Variants in ARHGAP26 observed in about 807,000 individuals in gnomAD.
ARHGAP26 encodes the protein Rho GTPase activating protein 26, also known as rho GTPase-activating protein 26.
ARHGAP26 carries 38 observed loss-of-function variants against 104.8 expected under a neutral mutation model. The observed-to-expected ratio is 0.36, with a 90% CI of 0.28 to 0.48. The LOEUF is 0.48. Among genes scored for constraint, ARHGAP26 ranks in the 20% least tolerant of loss-of-function variants. The pLI is 0.99. For missense variants in ARHGAP26, 704 were observed against 947.9 expected, an observed-to-expected ratio of 0.74 and a Z score of 3.38; for synonymous variants, 341 against 340.0, an observed-to-expected ratio of 1.00 and a Z score of -0.03.
rs138798405 is a variant in ARHGAP26 at position 143,051,982 on chromosome 5, G to A, written c.1286-2457G>A. 4.4e-3 allele frequency among the ~76,000 whole-genome samples: 674 copies of A among 152,314 alleles called. 2 individuals carry two copies. The highest frequency in any genetic ancestry group is 0.016 in the African/African-American group (647 of 41,562). ...ACGTGTCTTAGGATGGGGAGGGAAA[G>A]AGGTCATGCAAAGCAGAGGTTTTTG... On this transcript the variant is annotated intron_variant, in intron 14 of 22. Transcript: ENST00000645722.
In ARHGAP26 at chr5:142,998,770, AT is replaced by A. The variant is rs769105111; in HGVS notation, c.1108-15307del. 2.6e-3 allele frequency among the ~76,000 whole-genome samples: 400 copies of A among 152,264 alleles called. 2 individuals are homozygous for A. The highest frequency in any genetic ancestry group is 7.6e-3 in the Admixed American group (117 of 15,302). Reference sequence around the variant, plus strand: ...AAAAAAAAAGAAAAAGGAAAAGAACATTTGTTTACAGTATGAGAACTGAAAC... The same window carrying A: ...AAAAAAAAAGAAAAAGGAAAAGAACATTGTTTACAGTATGAGAACTGAAAC... On this transcript the variant is annotated intron_variant, in intron 11 of 22. Transcript: ENST00000645722.
chr5:143,224,339 G>T lies in ARHGAP26; in HGVS notation c.*1893G>T, dbSNP rs1399434227. ...CATTTCTATGGCCTTGCTCTCTGCTGTCCTGTTGGTGGGCACGACACATCA... is the reference window on the plus strand; with the variant it reads ...CATTTCTATGGCCTTGCTCTCTGCTTTCCTGTTGGTGGGCACGACACATCA... On this transcript the variant is annotated 3_prime_UTR_variant, in exon 23 of 23. Transcript: ENST00000645722. The T allele has an allele frequency of 2.6e-5, 6 of 231,142 alleles. No individual in the cohort carries two copies. Among genetic ancestry groups the T allele is most frequent in the Non-Finnish European group, 5.1e-5 (6 of 116,562 alleles). The allele number at this position is 231,142 out of a possible 1,614,324, so 14.3% of individuals were successfully genotyped here.
intron 1 of ARHGAP26, among the ~76,000 whole-genome samples, chr5:142,861,220 C>G (rs982084644): frequency 1.4e-4 from 21 of 152,080 alleles, no homozygotes; most frequent in African/African-American, 4.6e-4. Context: ...GGCTTCCGTT[C>G]TTGGTCCCTG....
intron 12 of ARHGAP26, among the ~76,000 whole-genome samples, chr5:143,014,812 GAAA>G: frequency 6.6e-6 from 1 of 152,256 alleles, no homozygotes; most frequent in Admixed American, 6.5e-5. Context: ...GTGTATAGGA[GAAA>G]AAACAAAATC....
intron 12 of ARHGAP26, among the ~76,000 whole-genome samples, chr5:143,016,442 C>T (rs1355522351): frequency 3.3e-5 from 5 of 152,108 alleles, no homozygotes; most frequent in South Asian, 2.1e-4. Flanking sequence ...CGGTGGCTCA[C>T]GCCTGTAATC....
intron 14 of ARHGAP26, among the ~76,000 whole-genome samples, chr5:143,052,166 C>T (rs1183127262): frequency 1.3e-5 from 2 of 152,062 alleles, no homozygotes; most frequent in Non-Finnish European, 2.9e-5. Context: ...GTTCTGTAGC[C>T]CCAGAAATAA....
intron 1 of ARHGAP26, among the ~76,000 whole-genome samples, chr5:142,861,078 T>C (rs1396262592): frequency 6.6e-6 from 1 of 152,148 alleles, no homozygotes; most frequent in Non-Finnish European, 1.5e-5. Context: ...TGGCAAGGGG[T>C]ACTCCTTGCT....
At chr5:143,142,867 A>G (rs1798727620) in intron 19 of ARHGAP26, among the ~76,000 whole-genome samples, 1 of 152,190 alleles carries the variant, frequency 6.6e-6, no homozygotes, top group African/African-American at 2.4e-5. Flanking sequence ...AACAAGTAGG[A>G]GAAAGTACAC....
At chr5:142,852,275 G>T (rs1410115507) in intron 1 of ARHGAP26, among the ~76,000 whole-genome samples, 2 of 152,274 alleles carry the variant, frequency 1.3e-5, no homozygotes, top group African/African-American at 4.8e-5. Flanking sequence ...AGCCTTTGCA[G>T]TGTTGTGGGA....
intron 14 of ARHGAP26, among the ~76,000 whole-genome samples, chr5:143,043,998 G>C (rs1783854917): frequency 6.6e-6 from 1 of 152,152 alleles, no homozygotes; most frequent in East Asian, 1.9e-4. Flanking sequence ...CTTGAGGCTG[G>C]GACAGGAGAG....
At chr5:142,821,252 A>G (rs1766108994) in intron 1 of ARHGAP26, among the ~76,000 whole-genome samples, 1 of 150,660 alleles carries the variant, frequency 6.6e-6, no homozygotes, top group Admixed American at 6.6e-5. Flanking sequence ...TTCCACCCCA[A>G]GCTAGTTTGG....
intron 18 of ARHGAP26, among the ~76,000 whole-genome samples, chr5:143,128,898 A>G (rs990191618): frequency 2.6e-5 from 4 of 152,238 alleles, no homozygotes; most frequent in Admixed American, 1.3e-4. Flanking sequence ...GCTCTTCGTC[A>G]TGACCTAATT....
chr5:143,147,111 A>T (rs1799256274), intron 19 of ARHGAP26, 120 bp from the exon 20 acceptor site: 4 of 1,217,658 alleles, frequency 3.3e-6, no homozygotes, highest in Non-Finnish European at 4.6e-6. Flanking sequence ...TTGTTTCTTA[A>T]GCTTCCCTGG....
rs901915865 is a variant in ARHGAP26 at position 142,783,840 on chromosome 5, T to C, written c.154+12925T>C. ...CTTCTTAAGAAAATCTGTGGGTTGC[T>C]CTTCCAAAAATAAGGTTTTCTTGCA... On this transcript the variant is annotated intron_variant, in intron 1 of 22. Transcript: ENST00000645722. Among the ~76,000 whole-genome samples the C allele has an allele frequency of 2.6e-5, 4 of 152,372 alleles. No homozygotes were observed. In the East Asian group the frequency reaches 5.8e-4, roughly 22 times the overall value.
At chr5:142,963,879 A>G (rs1283705348) in intron 11 of ARHGAP26, among the ~76,000 whole-genome samples, 2 of 152,250 alleles carry the variant, frequency 1.3e-5, no homozygotes, top group Admixed American at 1.3e-4. Flanking sequence ...ATAGATCATC[A>G]GAAATTTAAC....
At chr5:142,985,399 A>G (rs74966869) in intron 11 of ARHGAP26, among the ~76,000 whole-genome samples, 9,133 of 152,212 alleles carry the variant, frequency 0.06, 616 homozygotes, top group African/African-American at 0.16. Context: ...GTGCAGTAAT[A>G]TCTTAGGCCT....
intron 11 of ARHGAP26, among the ~76,000 whole-genome samples, chr5:142,960,204 C>T (rs1769984821): frequency 6.6e-6 from 1 of 152,364 alleles, no homozygotes; most frequent in South Asian, 2.1e-4. Context: ...GGTTTACATA[C>T]TTCTGTCCTT....
chr5:143,140,465 A>G (rs1414201562), intron 19 of ARHGAP26, among the ~76,000 whole-genome samples: 1 of 152,182 alleles, frequency 6.6e-6, no homozygotes, highest in Non-Finnish European at 1.5e-5. Flanking sequence ...GGTAATTGCC[A>G]TGATTAAGTG....
chr5:143,147,118 C>G, intron 19 of ARHGAP26, 113 bp from the exon 20 acceptor site: 1 of 1,254,586 alleles, frequency 8.0e-7, no homozygotes, highest in Non-Finnish European at 1.1e-6. Flanking sequence ...TTAAGCTTCC[C>G]TGGGATCAGA....
Sources: gnomAD v4.1 joint callset for allele counts (sites outside exome capture counted in the v4.1 genomes callset) on GRCh38, gnomAD v4.1.1 for gene constraint, MANE v1.5 for transcripts, NCBI Gene and HGNC (gene_info 2026-07-23, HGNC 2026-07-21) for gene names.